The following SGCZ variants were observed in gnomAD, a reference collection of about 807,000 sequenced individuals.
SGCZ encodes the protein zeta-sarcoglycan.
Under a neutral mutation model 41.3 loss-of-function variants are expected in SGCZ, and 40 were observed. The observed-to-expected ratio is 0.97, with a 90% confidence interval of 0.75 to 1.26. The LOEUF is 1.26. Among genes scored for constraint, SGCZ ranks in the 50% most tolerant of loss-of-function variants. The pLI, the probability that SGCZ is intolerant of heterozygous loss-of-function variation, is 0.00. For missense variants in SGCZ, 552 were observed against 369.8 expected (o/e 1.49, Z -4.04); for synonymous variants, 206 against 137.5 (o/e 1.50, Z -3.49).
rs560308214 is a variant in SGCZ, at chr8:14,763,039, C to A, written c.40-208113G>T. Among the ~76,000 whole-genome samples the A allele has an allele frequency of 5.3e-5, 8 of 152,266 alleles. No individual in the cohort carries two copies. In the South Asian group the frequency reaches 1.7e-3, roughly 32 times the overall value. On this transcript the variant is annotated intron_variant, in intron 1 of 7. Coordinates refer to ENST00000382080, the MANE Select transcript of SGCZ (RefSeq NM_139167.4). Reference sequence around the variant, plus strand: ...TAGTACATAAATATCATACGTCCAACACAATAAGAATTAAAAATAAAAACA... The same window carrying A: ...TAGTACATAAATATCATACGTCCAAAACAATAAGAATTAAAAATAAAAACA...
intron 3 of SGCZ, among the ~76,000 whole-genome samples, chr8:14,258,167 A>G (rs1799531783): frequency 6.6e-6 from 1 of 152,226 alleles, no homozygotes; most frequent in Non-Finnish European, 1.5e-5. Flanking sequence ...GAGAATATAG[A>G]TACTAAACAA....
chr8:15,104,015 G>A (rs180765623), intron 1 of SGCZ, among the ~76,000 whole-genome samples: 47 of 152,254 alleles, frequency 3.1e-4, no homozygotes, highest in Non-Finnish European at 6.5e-4. Context: ...CAATGACTTG[G>A]CATTTTCATG....
chr8:14,636,420 G>C (rs1171741054), intron 1 of SGCZ, among the ~76,000 whole-genome samples: 1 of 151,862 alleles, frequency 6.6e-6, no homozygotes, highest in African/African-American at 2.4e-5. Context: ...GAAGGCAAGA[G>C]ATTTACATGA....
intron 1 of SGCZ, among the ~76,000 whole-genome samples, chr8:14,923,955 T>C (rs998879655): frequency 6.6e-6 from 1 of 152,158 alleles, no homozygotes; most frequent in African/African-American, 2.4e-5. Context: ...GCTTCCCTTA[T>C]GTGACAAAAG....
chr8:15,231,503 T>A (rs1312812935), intron 1 of SGCZ, among the ~76,000 whole-genome samples: 1 of 151,872 alleles, frequency 6.6e-6, no homozygotes, highest in Admixed American at 6.6e-5. Flanking sequence ...AGCATAGAAG[T>A]CTCTCATCAG....
intron 3 of SGCZ, among the ~76,000 whole-genome samples, chr8:14,313,748 C>T (rs376342595): frequency 6.6e-6 from 1 of 152,124 alleles, no homozygotes; most frequent in Non-Finnish European, 1.5e-5. Context: ...TAATATTTCC[C>T]TGTTACAGAT....
intron 1 of SGCZ, among the ~76,000 whole-genome samples, chr8:14,687,530 T>A (rs1040496565): frequency 1.3e-5 from 2 of 151,890 alleles, no homozygotes; most frequent in African/African-American, 4.8e-5. Context: ...GAACTCATCA[T>A]TTTTTATGGC....
intron 1 of SGCZ, among the ~76,000 whole-genome samples, chr8:14,912,842 G>A (rs1450139819): frequency 6.6e-6 from 1 of 151,996 alleles, no homozygotes; most frequent in Non-Finnish European, 1.5e-5. Flanking sequence ...TCTATCTTTT[G>A]GAAGGTTACC....
intron 1 of SGCZ, among the ~76,000 whole-genome samples, chr8:15,050,354 G>A (rs1279067143): frequency 6.6e-6 from 1 of 152,136 alleles, no homozygotes; most frequent in Non-Finnish European, 1.5e-5. Flanking sequence ...CTGTGAAATT[G>A]GGAAGAGCTA....
intron 3 of SGCZ, among the ~76,000 whole-genome samples, chr8:14,278,099 T>C (rs1271573238): frequency 6.6e-6 from 1 of 152,072 alleles, no homozygotes; most frequent in Non-Finnish European, 1.5e-5. Flanking sequence ...TCCCATCGAG[T>C]TTCCCAAAAT....
chr8:14,100,044 A>G (rs1022624698), intron 7 of SGCZ, among the ~76,000 whole-genome samples: 1 of 152,106 alleles, frequency 6.6e-6, no homozygotes, highest in African/African-American at 2.4e-5. Context: ...ATCCCTCTAT[A>G]TTGTTTAGTA....
chr8:14,105,963 TAA>T (rs1363471996), intron 6 of SGCZ, among the ~76,000 whole-genome samples: 8 of 152,148 alleles, frequency 5.3e-5, no homozygotes, highest in African/African-American at 9.7e-5. Context: ...AAATGTATTT[TAA>T]GTTTATTGAA....
At chr8:15,224,383 T>C (rs1483068458) in intron 1 of SGCZ, among the ~76,000 whole-genome samples, 5 of 152,138 alleles carry the variant, frequency 3.3e-5, no homozygotes, top group Admixed American at 6.5e-5. Flanking sequence ...GTAATACTTT[T>C]AATATCCTAA....
At chr8:15,221,568 A>T (rs1212666838) in intron 1 of SGCZ, among the ~76,000 whole-genome samples, 5 of 152,094 alleles carry the variant, frequency 3.3e-5, no homozygotes, top group African/African-American at 1.2e-4. Flanking sequence ...CAGGGGTGAC[A>T]CTGCCTTCCT....
chr8:14,290,561 A>C (rs1325124475), intron 3 of SGCZ, among the ~76,000 whole-genome samples: 2 of 152,096 alleles, frequency 1.3e-5, no homozygotes, highest in East Asian at 3.9e-4. Flanking sequence ...AAGACATTCA[A>C]ATGGCCAACA....
At chr8:14,868,545 A>G (rs745428592) in intron 1 of SGCZ, among the ~76,000 whole-genome samples, 1 of 152,148 alleles carries the variant, frequency 6.6e-6, no homozygotes, top group African/African-American at 2.4e-5. Flanking sequence ...GAATGACTGA[A>G]TCGAGTAATT....
chr8:15,036,062 C>T (rs181009446), intron 1 of SGCZ, among the ~76,000 whole-genome samples: 7 of 151,250 alleles, frequency 4.6e-5, no homozygotes, highest in African/African-American at 1.2e-4. Context: ...CTATGTGAAA[C>T]GATAAGCAAA....
chr8:14,101,596 G>C (rs1802023069), intron 7 of SGCZ, among the ~76,000 whole-genome samples: 1 of 152,106 alleles, frequency 6.6e-6, no homozygotes, highest in Admixed American at 6.6e-5. Context: ...GAAATTCTTG[G>C]GGAATAAAGG....
At chr8:14,239,515 T>A (rs952549773) in intron 3 of SGCZ, among the ~76,000 whole-genome samples, 92 of 152,192 alleles carry the variant, frequency 6.0e-4, no homozygotes, top group African/African-American at 2.2e-3. Context: ...TGACACTATA[T>A]GTTTTTATTT....
Sources: allele counts gnomAD v4.1 joint callset (sites outside exome capture counted in the v4.1 genomes callset), GRCh38; gene constraint gnomAD v4.1.1; transcripts MANE v1.5; gene names NCBI Gene and HGNC (gene_info 2026-07-23, HGNC 2026-07-21).